The following PDE10A variants were observed in gnomAD, a reference collection of about 807,000 sequenced individuals.
PDE10A encodes the protein cAMP and cAMP-inhibited cGMP 3',5'-cyclic phosphodiesterase 10A.
PDE10A carries 39 observed loss-of-function variants against 97.7 expected under a neutral mutation model. The observed-to-expected ratio is 0.40, with a 90% confidence interval of 0.31 to 0.52. The LOEUF (loss-of-function observed/expected upper bound fraction) is 0.52, where lower values mean the gene tolerates loss of function less well. Among genes scored for constraint, PDE10A ranks in the 20% least tolerant of loss-of-function variants. The pLI is 0.56. For synonymous variants in PDE10A, 371 were observed against 376.8 expected (o/e 0.98, Z 0.18); for missense variants, 731 against 1,047.8 (o/e 0.70, Z 4.17).
chr6:165,432,917 C>A (rs1199579122), intron 7 of PDE10A, 57 bp downstream of exon 7: 1 of 1,312,694 alleles, frequency 7.6e-7, no homozygotes, highest in African/African-American at 1.5e-5. Flanking sequence ...CTAACAAGCA[C>A]CTTCAATGAG....
At chr6:165,433,189 C>T in intron 6 of PDE10A, 60 bp from the exon 7 acceptor site, 1 of 1,287,372 alleles carries the variant, frequency 7.8e-7, no homozygotes, top group Non-Finnish European at 1.1e-6. Flanking sequence ...AGTGATGATT[C>T]TTATTTCTAT....
chr6:165,533,689 C>A (rs1321491829), intron 2 of PDE10A, among the ~76,000 whole-genome samples: 1 of 152,024 alleles, frequency 6.6e-6, no homozygotes, highest in Non-Finnish European at 1.5e-5. Context: ...AATTATTCAA[C>A]CTTAGGTCAA....
At chr6:165,673,900 GAAT>G (rs1234123880) in intron 1 of PDE10A, among the ~76,000 whole-genome samples, 2 of 152,152 alleles carry the variant, frequency 1.3e-5, no homozygotes, top group African/African-American at 4.8e-5. Context: ...AAATAATAAA[GAAT>G]ATTATCAGCC....
chr6:165,552,278 C>A (rs987515596), intron 1 of PDE10A, among the ~76,000 whole-genome samples: 1 of 152,142 alleles, frequency 6.6e-6, no homozygotes, highest in Non-Finnish European at 1.5e-5. Context: ...TGGCTCTGGG[C>A]AGAAAAGGGG....
chr6:165,607,875 C>A (rs952159405), intron 1 of PDE10A, among the ~76,000 whole-genome samples: 21 of 152,130 alleles, frequency 1.4e-4, no homozygotes, highest in African/African-American at 4.8e-4. Flanking sequence ...AAATCCCCGA[C>A]AATGTCAATG....
intron 1 of PDE10A, among the ~76,000 whole-genome samples, chr6:165,933,587 A>C (rs1783216359): frequency 6.6e-6 from 1 of 152,166 alleles, no homozygotes; most frequent in African/African-American, 2.4e-5. Context: ...AGAGACCTGA[A>C]AATTCATTTT....
intron 1 of PDE10A, among the ~76,000 whole-genome samples, chr6:165,821,973 G>A (rs1179819585): frequency 1.3e-5 from 2 of 152,144 alleles, no homozygotes; most frequent in East Asian, 3.9e-4. Context: ...ATGAGTCGTG[G>A]CATCGTCAGC....
chr6:165,853,961 C>T (rs1398973210), intron 1 of PDE10A, among the ~76,000 whole-genome samples: 2 of 152,152 alleles, frequency 1.3e-5, no homozygotes, highest in African/African-American at 2.4e-5. Flanking sequence ...TGGGAGCCAC[C>T]ACGGTGGCGG....
chr6:165,734,122 C>A (rs776325337), intron 1 of PDE10A, among the ~76,000 whole-genome samples: 1 of 152,150 alleles, frequency 6.6e-6, no homozygotes, highest in Non-Finnish European at 1.5e-5. Context: ...AGAGAGACTG[C>A]AAAGGACCAT....
chr6:165,539,639 C>T (rs545099), intron 2 of PDE10A, among the ~76,000 whole-genome samples: 146,732 of 152,330 alleles, frequency 0.96, 70,727 homozygotes, highest in East Asian at 1. Flanking sequence ...AAATATGTAT[C>T]GGCTGGGAGC....
chr6:165,580,931 T>TGAGAA (rs1785583106), intron 1 of PDE10A, among the ~76,000 whole-genome samples: 2 of 151,478 alleles, frequency 1.3e-5, no homozygotes, highest in African/African-American at 4.8e-5. Flanking sequence ...TCCAACCCAA[T>TGAGAA]GAGAAAGAAG....
At chr6:165,610,401 G>C (rs1787434066) in intron 1 of PDE10A, among the ~76,000 whole-genome samples, 1 of 152,074 alleles carries the variant, frequency 6.6e-6, no homozygotes, top group Admixed American at 6.6e-5. Context: ...CATGGTGGCA[G>C]GCGCCTGTAG....
intron 3 of PDE10A, among the ~76,000 whole-genome samples, chr6:165,466,609 A>G (rs1050405800): frequency 2.0e-5 from 3 of 152,188 alleles, no homozygotes; most frequent in African/African-American, 7.2e-5. Context: ...ACATTTTGTA[A>G]TTCTCACTGT....
chr6:165,488,029 C>CAA (rs58319021), intron 2 of PDE10A, among the ~76,000 whole-genome samples: 1,513 of 83,240 alleles, frequency 0.018, 40 homozygotes, highest in African/African-American at 0.047. Flanking sequence ...AACAAATTGG[C>CAA]AAAAAAAAAA....
intron 1 of PDE10A, among the ~76,000 whole-genome samples, chr6:165,643,745 A>G (rs1789256430): frequency 6.6e-6 from 1 of 152,212 alleles, no homozygotes; most frequent in African/African-American, 2.4e-5. Flanking sequence ...TTTCCATCAG[A>G]CAGGAGGAAT....
At chr6:165,587,660 T>C (rs1203705218) in intron 1 of PDE10A, among the ~76,000 whole-genome samples, 1 of 47,700 alleles carries the variant, frequency 2.1e-5, no homozygotes, top group African/African-American at 3.4e-5. Context: ...ATGTCAGATA[T>C]GAATTTTTTT....
chr6:165,554,268 A>G (rs146744940), intron 1 of PDE10A, among the ~76,000 whole-genome samples: 2,000 of 152,300 alleles, frequency 0.013, 165 homozygotes, highest in Admixed American at 0.12. Context: ...TCACTCTGAC[A>G]AGGGATGAAT....
chr6:165,422,996 A>T (rs35527537), intron 10 of PDE10A, among the ~76,000 whole-genome samples: 1,693 of 152,314 alleles, frequency 0.011, 18 homozygotes, highest in Non-Finnish European at 0.013. Context: ...AGTGAGTGAT[A>T]TGATATAAAC....
chr6:165,507,530 A>C (rs1562530862), intron 2 of PDE10A, among the ~76,000 whole-genome samples: 1 of 152,086 alleles, frequency 6.6e-6, no homozygotes, highest in Admixed American at 6.6e-5. Context: ...GCCCAAGTCC[A>C]GTAAGTTTCT....
Sources: allele counts gnomAD v4.1 joint callset (sites outside exome capture counted in the v4.1 genomes callset), GRCh38; gene constraint gnomAD v4.1.1; transcripts MANE v1.5; gene names NCBI Gene and HGNC (gene_info 2026-07-23, HGNC 2026-07-21).